Variants in HIPK2 observed in about 807,000 individuals in gnomAD.
HIPK2 encodes homeodomain interacting protein kinase 2.
HIPK2 carries 27 observed loss-of-function variants against 113.7 expected under a neutral mutation model. The observed-to-expected ratio is 0.24, with a 90% CI of 0.17 to 0.33. The LOEUF is 0.33. Among genes scored for constraint, HIPK2 ranks in the 10% least tolerant of loss-of-function variants. The pLI, the probability that HIPK2 is intolerant of heterozygous loss-of-function variation, is 1.00. For synonymous variants in HIPK2, 631 were observed against 642.2 expected (o/e 0.98, Z 0.26); for missense variants, 1,257 against 1,588.0 (o/e 0.79, Z 3.54).
intron 1 of HIPK2, among the ~76,000 whole-genome samples, chr7:139,753,601 T>C (rs1276213108): frequency 6.6e-6 from 1 of 152,242 alleles, no homozygotes; most frequent in African/African-American, 2.4e-5. Context: ...AAAAGCTTCA[T>C]GGATCATAGT....
rs113175313 is a variant in HIPK2, at chr7:139,631,760, T to C, written c.1104-35A>G. On this transcript the variant is annotated intron_variant, in intron 2 of 14. Transcript: ENST00000406875. The surrounding 1 kb of genome is among the most constrained non-coding windows in gnomAD (Gnocchi z 4.9). ...AAGAATGGAAGAAACCATTAGCAAGTTGGAAATGCAGGAAGCTGTTTCTAT... is the reference window on the plus strand; with the variant it reads ...AAGAATGGAAGAAACCATTAGCAAGCTGGAAATGCAGGAAGCTGTTTCTAT... 1,330 of 1,594,938 alleles carry C rather than the reference T, an allele frequency of 8.3e-4. 13 individuals carry two copies. In the African/African-American group the frequency reaches 0.016, roughly 19 times the overall value.
intron 1 of HIPK2, among the ~76,000 whole-genome samples, chr7:139,744,009 C>T (rs1796149867): frequency 6.6e-6 from 1 of 152,086 alleles, no homozygotes; most frequent in South Asian, 2.1e-4. Context: ...TACAAATGGT[C>T]AATATGCACA....
intron 1 of HIPK2, among the ~76,000 whole-genome samples, chr7:139,719,749 A>C (rs1795353216): frequency 6.6e-6 from 1 of 152,184 alleles, no homozygotes; most frequent in African/African-American, 2.4e-5. Flanking sequence ...AGCCTTATTA[A>C]TTTCTCCTTC....
intron 1 of HIPK2, among the ~76,000 whole-genome samples, chr7:139,737,693 T>C (rs1321132248): frequency 2.0e-5 from 3 of 152,116 alleles, no homozygotes; most frequent in Admixed American, 2.0e-4. Flanking sequence ...GATTCAGAGC[T>C]ACAGGGTCAC....
At chr7:139,632,427 A>G (rs1253416076) in intron 2 of HIPK2, among the ~76,000 whole-genome samples, 2 of 152,252 alleles carry the variant, frequency 1.3e-5, no homozygotes, top group Non-Finnish European at 1.5e-5. Flanking sequence ...AATTTACATC[A>G]CACTTTCTTA....
At chr7:139,632,178 T>C (rs1335128960) in intron 2 of HIPK2, among the ~76,000 whole-genome samples, 1 of 152,206 alleles carries the variant, frequency 6.6e-6, no homozygotes, top group African/African-American at 2.4e-5. Context: ...CTCACTATGT[T>C]GCCTAGGCTG....
At chr7:139,665,567 C>T (rs533215784) in intron 2 of HIPK2, among the ~76,000 whole-genome samples, 89 of 149,806 alleles carry the variant, frequency 5.9e-4, no homozygotes, top group Admixed American at 2.3e-3. Context: ...CACATCCATC[C>T]ATCCATCCAT....
chr7:139,674,113 T>A (rs1314719602), intron 2 of HIPK2, among the ~76,000 whole-genome samples: 1 of 151,748 alleles, frequency 6.6e-6, no homozygotes, highest in African/African-American at 2.4e-5. Flanking sequence ...AGATTTTAAT[T>A]ACAAATATAG....
chr7:139,655,797 C>T (rs957802842), intron 2 of HIPK2, among the ~76,000 whole-genome samples: 2 of 152,136 alleles, frequency 1.3e-5, no homozygotes, highest in Admixed American at 1.3e-4. Flanking sequence ...TAATGGGCAA[C>T]TGGAGAATGA....
In HIPK2 at chr7:139,716,000, G is replaced by A. The variant is rs767719220; in HGVS notation, c.1035C>T (p.Ile345=). 5.0e-6 allele frequency: 8 copies of A among 1,614,026 alleles called. No individual in the cohort carries two copies. Among genetic ancestry groups the A allele is most frequent in the East Asian group, 4.5e-5 (2 of 44,894 alleles). ...AGACGTGGCTGGCTGAACCAAAGTC[G>A]ATGACCTTGACTCTGTATGGTTGTC... is the stretch of plus-strand genomic sequence containing the variant. The part of the protein sequence containing the change: ...PSRQPYRVKV[I]DFGSASHVSK... Residue 345 remains isoleucine, a synonymous_variant, in exon 2 of 15, where the codon ATC becomes ATT. Coordinates refer to ENST00000406875, the MANE Select transcript of HIPK2 (RefSeq NM_022740.5).
intron 2 of HIPK2, among the ~76,000 whole-genome samples, chr7:139,648,923 G>A (rs189028802): frequency 1.8e-3 from 279 of 152,242 alleles, no homozygotes; most frequent in African/African-American, 5.8e-3. Flanking sequence ...GGCATTGGGC[G>A]GGTGGAGGGG....
chr7:139,756,569 C>T lies in HIPK2; in HGVS notation c.19+21036G>A, dbSNP rs575272398. 2.0e-4 allele frequency among the ~76,000 whole-genome samples: 30 copies of T among 152,296 alleles called. 1 individual carries two copies. In the East Asian group the frequency reaches 4.6e-3, roughly 23 times the overall value. The stretch of plus-strand genomic sequence containing the variant: ...CCTTCCAAGCAGCTGGGACTACAGG[C>T]GCATGCCACCATGCCTGGCTAATTT... On this transcript the variant is annotated intron_variant, in intron 1 of 14. Transcript: ENST00000406875.
Position 139,561,757 on chromosome 7 carries a change from C to T in HIPK2, c.*11170G>A, listed in dbSNP as rs1797954773. On this transcript the variant is annotated 3_prime_UTR_variant, in exon 15 of 15. Coordinates refer to ENST00000406875, the MANE Select transcript of HIPK2 (RefSeq NM_022740.5). ...AACATAGTTCACCACAATGGGACCC[C>T]CCCCCCTTTTTCTCACCCTACAGTT... The T allele has an allele frequency of 6.6e-6, 1 of 150,820 alleles. No homozygotes were observed. Among genetic ancestry groups the T allele is most frequent in the Non-Finnish European group, 1.5e-5 (1 of 67,728 alleles). 9.3% of individuals were successfully genotyped at this position (150,820 alleles called of 1,614,324 possible).
intron 1 of HIPK2, among the ~76,000 whole-genome samples, chr7:139,745,039 T>C (rs1796167286): frequency 6.6e-6 from 1 of 152,174 alleles, no homozygotes; most frequent in African/African-American, 2.4e-5. Context: ...GTGGGCACAG[T>C]CACCCTCTCA....
At chr7:139,606,823 T>C (rs1214597645) in intron 9 of HIPK2, among the ~76,000 whole-genome samples, 3 of 152,202 alleles carry the variant, frequency 2.0e-5, no homozygotes, top group Non-Finnish European at 2.9e-5. Flanking sequence ...AGGTTTCCAA[T>C]TAGTTTTTTA....
chr7:139,759,128 A>C (rs930497332), intron 1 of HIPK2, among the ~76,000 whole-genome samples: 14 of 152,220 alleles, frequency 9.2e-5, no homozygotes, highest in African/African-American at 3.4e-4. Context: ...AAAATGTCTG[A>C]AATTCAAAAC....
At chr7:139,635,776 G>A (rs1273404580) in intron 2 of HIPK2, among the ~76,000 whole-genome samples, 1 of 152,138 alleles carries the variant, frequency 6.6e-6, no homozygotes, top group Non-Finnish European at 1.5e-5. Flanking sequence ...GTCACAGAAA[G>A]ACACAGACAT....
intron 1 of HIPK2, among the ~76,000 whole-genome samples, chr7:139,727,354 C>A (rs1157332039): frequency 6.6e-6 from 1 of 152,144 alleles, no homozygotes; most frequent in Non-Finnish European, 1.5e-5. Flanking sequence ...GGGTCAGGAG[C>A]AGGGAAAGAA....
intron 2 of HIPK2, among the ~76,000 whole-genome samples, chr7:139,673,010 T>TC (rs1802358339): frequency 6.6e-6 from 1 of 150,836 alleles, no homozygotes; most frequent in South Asian, 2.1e-4. Flanking sequence ...CCTGGAACAA[T>TC]CAAAACAAAT....
Sources: allele counts gnomAD v4.1 joint callset (sites outside exome capture counted in the v4.1 genomes callset), GRCh38; gene constraint gnomAD v4.1.1; non-coding constraint Gnocchi (gnomAD v3.1); transcripts MANE v1.5; gene names NCBI Gene and HGNC (gene_info 2026-07-23, HGNC 2026-07-21).